The following PYY variants were observed in gnomAD, a reference collection of about 807,000 sequenced individuals.
The protein encoded by PYY is peptide tyrosine tyrosine.
A neutral mutation model predicts 10.3 loss-of-function variants in PYY; 12 were observed. The observed-to-expected ratio is 1.17, with a 90% confidence interval of 0.75 to 1.89. The LOEUF (loss-of-function observed/expected upper bound fraction) is 1.89. Among genes scored for constraint, PYY ranks in the 40% most tolerant of loss-of-function variants. The pLI, the probability that PYY is intolerant of heterozygous loss-of-function variation, is 0.00. For missense variants in PYY, 141 were observed against 134.0 expected (o/e 1.05, Z -0.26); for synonymous variants, 66 against 62.0 (o/e 1.06, Z -0.30).
chr17:43,967,650 G>T (rs1024080132), intron 1 of PYY, among the ~76,000 whole-genome samples: 1 of 152,200 alleles, frequency 6.6e-6, no homozygotes, highest in African/African-American at 2.4e-5. Context: ...GGTTCCAGAT[G>T]AGATGGAGTA....
chr17:43,993,851 A>AATT (rs147841640), intron 1 of PYY, among the ~76,000 whole-genome samples: 16,245 of 150,860 alleles, frequency 0.11, 1,974 homozygotes, highest in East Asian at 0.62. Flanking sequence ...ATTATTTATT[A>AATT]ATTATTATTA....
Position 43,952,891 on chromosome 17 carries a change from T to A in PYY, c.*65A>T, listed in dbSNP as rs370331701. 6.8e-7 allele frequency: 1 copy of A among 1,468,752 alleles called. No individual in the cohort carries two copies. Among genetic ancestry groups the A allele is most frequent in the African/African-American group, 1.5e-5 (1 of 68,222 alleles). The allele number at this position is 1,468,752 out of a possible 1,614,324, so 91.0% of individuals were successfully genotyped here. On this transcript the variant is annotated 3_prime_UTR_variant, in exon 4 of 4. Transcript: ENST00000692052. The stretch of plus-strand genomic sequence containing the variant: ...GGAGGCAGAATCCGGGTTTCTGGGG[T>A]CGGGAGTGCGTATGCAAATGACGTG...
At chr17:43,998,531 C>T (rs1797743921) in intron 1 of PYY, among the ~76,000 whole-genome samples, 1 of 151,950 alleles carries the variant, frequency 6.6e-6, no homozygotes, top group African/African-American at 2.4e-5. Context: ...GCACTTCAAT[C>T]TGGGTGACAG....
At chr17:43,957,099 G>A (rs1442921393), upstream of PYY, among the ~76,000 whole-genome samples, 1 of 150,424 alleles carries the variant, frequency 6.6e-6, no homozygotes, top group Non-Finnish European at 1.5e-5. Context: ...TCTGGAGGCT[G>A]AAGCAGGAAA....
At chr17:43,962,902 A>G (rs2048722503) in intron 2 of PYY, among the ~76,000 whole-genome samples, 1 of 152,186 alleles carries the variant, frequency 6.6e-6, no homozygotes, top group Admixed American at 6.5e-5. Flanking sequence ...CTGACCCGCC[A>G]GGGCTCCCTT....
chr17:43,989,333 C>T (rs2048937482), intron 1 of PYY, among the ~76,000 whole-genome samples: 1 of 149,424 alleles, frequency 6.7e-6, no homozygotes, highest in Admixed American at 6.6e-5. Context: ...GAGATCATGC[C>T]ACTGCACTCC....
intron 1 of PYY, among the ~76,000 whole-genome samples, chr17:43,993,831 AT>A (rs1193288391): frequency 6.6e-6 from 1 of 151,110 alleles, no homozygotes; most frequent in Non-Finnish European, 1.5e-5. Flanking sequence ...AGTTACTTTT[AT>A]TTTTTGAAAT....
At chr17:43,955,947 C>T (rs2048669255), upstream of PYY, among the ~76,000 whole-genome samples, 1 of 152,024 alleles carries the variant, frequency 6.6e-6, no homozygotes, top group Non-Finnish European at 1.5e-5. Flanking sequence ...GGGCTATTTG[C>T]TCTTCTGACC....
At chr17:43,988,974 C>A (rs1446008156) in intron 1 of PYY, among the ~76,000 whole-genome samples, 1 of 151,984 alleles carries the variant, frequency 6.6e-6, no homozygotes, top group Non-Finnish European at 1.5e-5. Context: ...GTTGGCCAGG[C>A]TGGTCTTGAA....
chr17:43,960,580 T>C (rs1040368775), intron 2 of PYY, among the ~76,000 whole-genome samples: 2 of 141,572 alleles, frequency 1.4e-5, no homozygotes, highest in Non-Finnish European at 3.0e-5. Flanking sequence ...CCAGACGCAG[T>C]GGCTCACGCC....
At chr17:43,959,935 C>T (rs1022294459) in intron 2 of PYY, among the ~76,000 whole-genome samples, 3 of 152,232 alleles carry the variant, frequency 2.0e-5, no homozygotes, top group African/African-American at 7.2e-5. Context: ...CTAGGTCAGA[C>T]ACAGTCAGCT....
At chr17:43,983,527 T>G (rs756056293) in intron 1 of PYY, among the ~76,000 whole-genome samples, 3 of 152,156 alleles carry the variant, frequency 2.0e-5, no homozygotes, top group Non-Finnish European at 4.4e-5. Context: ...TGAGAACTGT[T>G]AGGCAGCAGC....
At chr17:43,992,648 C>T (rs1169515414) in intron 1 of PYY, among the ~76,000 whole-genome samples, 1 of 151,786 alleles carries the variant, frequency 6.6e-6, no homozygotes, top group Non-Finnish European at 1.5e-5. Flanking sequence ...CGGAGGTTGC[C>T]GTGAGCTGAG....
At chr17:43,978,314 G>T (rs2048861869) in intron 1 of PYY, among the ~76,000 whole-genome samples, 1 of 99,648 alleles carries the variant, frequency 1.0e-5, no homozygotes, top group South Asian at 4.4e-4. Context: ...AGGAAGGAAG[G>T]AAGGAAGGGA....
At chr17:43,968,121 A>G (rs2048766660) in intron 1 of PYY, among the ~76,000 whole-genome samples, 1 of 152,146 alleles carries the variant, frequency 6.6e-6, no homozygotes. Context: ...GCTGTGGATC[A>G]TGTCTGTAAT....
chr17:43,979,800 A>G (rs1161684325), intron 1 of PYY, among the ~76,000 whole-genome samples: 3 of 151,724 alleles, frequency 2.0e-5, no homozygotes, highest in African/African-American at 7.3e-5. Context: ...AAGAGGGGGA[A>G]GAGTAGGGGA....
intron 1 of PYY, among the ~76,000 whole-genome samples, chr17:43,999,944 G>A (rs2049015128): frequency 6.6e-6 from 1 of 151,394 alleles, no homozygotes; most frequent in Non-Finnish European, 1.5e-5. Context: ...TGACACCTGT[G>A]CTGTCCATCT....
At chr17:43,961,276 A>G (rs976376114) in intron 2 of PYY, among the ~76,000 whole-genome samples, 1 of 152,024 alleles carries the variant, frequency 6.6e-6, no homozygotes, top group Admixed American at 6.6e-5. Flanking sequence ...GGGAGGAGGG[A>G]AAGTATCAGG....
At chr17:43,980,873 A>G (rs949418726) in intron 1 of PYY, among the ~76,000 whole-genome samples, 9 of 152,090 alleles carry the variant, frequency 5.9e-5, no homozygotes, top group African/African-American at 1.9e-4. Flanking sequence ...TCTTATCTCT[A>G]TGTAATATTC....
Sources: allele counts gnomAD v4.1 joint callset (sites outside exome capture counted in the v4.1 genomes callset), GRCh38; gene constraint gnomAD v4.1.1; transcripts MANE v1.5; gene names NCBI Gene and HGNC (gene_info 2026-07-23, HGNC 2026-07-21).